The following TAOK3 variants were observed in gnomAD, a reference collection of about 807,000 sequenced individuals.
TAOK3 encodes TAO kinase 3, also known as serine/threonine-protein kinase TAO3.
A neutral mutation model predicts 120.4 loss-of-function variants in TAOK3; 40 were observed. The ratio of observed to expected loss-of-function variants is 0.33; its 90% CI spans 0.26 to 0.43. The LOEUF (loss-of-function observed/expected upper bound fraction) is 0.43, where lower values mean the gene tolerates loss of function less well. TAOK3 is among the 20% of genes least tolerant of loss of function. TAOK3 has a pLI of 1.00. For synonymous variants in TAOK3, 355 were observed against 387.5 expected (o/e 0.92, Z 0.99); for missense variants, 821 against 1,112.1 (o/e 0.74, Z 3.72).
Position 118,155,855 on chromosome 12 carries a change from G to A in TAOK3, c.2353-3446C>T, listed in dbSNP as rs374373890. On this transcript the variant is annotated intron_variant, in intron 19 of 20. Coordinates refer to ENST00000392533, the MANE Select transcript of TAOK3 (RefSeq NM_016281.4). ...GGGCTTGAGTGATCCTCCTGCTTCA[G>A]CCTCCCAAGTTACTGGGACTACAGG... 4.6e-5 allele frequency among the ~76,000 whole-genome samples: 7 copies of A among 152,110 alleles called. No homozygotes were observed. In the South Asian group the frequency reaches 8.3e-4, roughly 18 times the overall value.
At chr12:118,166,843 C>T (rs7489246) in intron 17 of TAOK3, among the ~76,000 whole-genome samples, 189 of 136,226 alleles carry the variant, frequency 1.4e-3, no homozygotes, top group African/African-American at 3.5e-3. Context: ...CACACACACA[C>T]ACATACACAC....
At chr12:118,344,138 T>C (rs1194227692) in intron 1 of TAOK3, among the ~76,000 whole-genome samples, 3 of 151,216 alleles carry the variant, frequency 2.0e-5, no homozygotes, top group Non-Finnish European at 4.4e-5. Context: ...CTGTTTCTTT[T>C]ATTGTTTAGA....
At chr12:118,364,139 AAAAC>A (rs200117128) in intron 1 of TAOK3, among the ~76,000 whole-genome samples, 32 of 152,276 alleles carry the variant, frequency 2.1e-4, no homozygotes, top group Admixed American at 1.7e-3. Flanking sequence ...TCCATCTCAA[AAAAC>A]AAACAAACAA....
chr12:118,239,161 T>C, intron 6 of TAOK3, 66 bp downstream of exon 6: 1 of 1,040,900 alleles, frequency 9.6e-7, no homozygotes, highest in Non-Finnish European at 1.5e-6. Context: ...TACACTTTAG[T>C]ATGGCGGTAG....
intron 1 of TAOK3, among the ~76,000 whole-genome samples, chr12:118,347,830 C>T (rs1204019439): frequency 6.6e-6 from 1 of 152,214 alleles, no homozygotes; most frequent in Non-Finnish European, 1.5e-5. Flanking sequence ...TGAGGCTGTC[C>T]TAGTTCCAGA....
chr12:118,258,254 T>A (rs1344844534), intron 2 of TAOK3, among the ~76,000 whole-genome samples: 2 of 152,132 alleles, frequency 1.3e-5, no homozygotes, highest in African/African-American at 4.8e-5. Flanking sequence ...AAGGTTTATA[T>A]GGGAAAAAGG....
intron 1 of TAOK3, among the ~76,000 whole-genome samples, chr12:118,360,187 C>T (rs938670147): frequency 6.6e-6 from 1 of 151,694 alleles, no homozygotes; most frequent in African/African-American, 2.4e-5. Context: ...ATCACTTGAA[C>T]CCAGGAGGCG....
At chr12:118,186,672 C>A (rs1464536905) in intron 14 of TAOK3, among the ~76,000 whole-genome samples, 1 of 152,098 alleles carries the variant, frequency 6.6e-6, no homozygotes, top group Non-Finnish European at 1.5e-5. Flanking sequence ...CCATGAAATA[C>A]CCTTCCTTTT....
At chr12:118,338,404 C>A (rs1011242943) in intron 1 of TAOK3, among the ~76,000 whole-genome samples, 4 of 152,130 alleles carry the variant, frequency 2.6e-5, no homozygotes, top group Non-Finnish European at 4.4e-5. Context: ...ATTAATACCT[C>A]CAAATGAATG....
chr12:118,341,476 G>A (rs550479853), intron 1 of TAOK3, among the ~76,000 whole-genome samples: 2 of 152,036 alleles, frequency 1.3e-5, no homozygotes, highest in African/African-American at 4.8e-5. Flanking sequence ...ATAATGCAAT[G>A]CATTTTAAAA....
chr12:118,347,522 C>T (rs2141184830), intron 1 of TAOK3, among the ~76,000 whole-genome samples: 1 of 152,306 alleles, frequency 6.6e-6, no homozygotes, highest in South Asian at 2.1e-4. Flanking sequence ...CTCCTCATTT[C>T]CAAGTCCAAC....
chr12:118,270,039 G>C (rs2041634196), intron 1 of TAOK3, among the ~76,000 whole-genome samples: 1 of 152,042 alleles, frequency 6.6e-6, no homozygotes, highest in Non-Finnish European at 1.5e-5. Flanking sequence ...ATTTCCCCAA[G>C]TCCTCTGTGT....
At chr12:118,246,340 T>A (rs960871187) in intron 3 of TAOK3, 1 of 1,606,662 alleles carries the variant, frequency 6.2e-7, no homozygotes, top group African/African-American at 1.3e-5. Context: ...CTCTTCTCCC[T>A]GCCCATTAAG....
At position 118,150,541 on chromosome 12, in the gene TAOK3, G is replaced by A. The variant is rs1205697025; in HGVS notation, c.*456C>T. The A allele has an allele frequency of 6.5e-6, 1 of 152,754 alleles. No individual in the cohort carries two copies. Among genetic ancestry groups the A allele is most frequent in the East Asian group, 1.9e-4 (1 of 5,210 alleles). The allele number at this position is 152,754 out of a possible 1,614,324, so 9.5% of individuals were successfully genotyped here. The stretch of plus-strand genomic sequence containing the variant: ...TAAAATAAAATAAAATAATGCAGCA[G>A]CTAGTTAAGGTGTAAGGCTGCGGAT... On this transcript the variant is annotated 3_prime_UTR_variant, in exon 21 of 21. Transcript: ENST00000392533.
intron 1 of TAOK3, among the ~76,000 whole-genome samples, chr12:118,326,266 C>T: frequency 6.6e-6 from 1 of 152,102 alleles, no homozygotes; most frequent in Admixed American, 6.6e-5. Flanking sequence ...AAGAGATTAT[C>T]CTTTCTCCAA....
chr12:118,285,248 G>T (rs1365225608), intron 1 of TAOK3, among the ~76,000 whole-genome samples: 1 of 151,982 alleles, frequency 6.6e-6, no homozygotes, highest in African/African-American at 2.4e-5. Context: ...TCTCCATATT[G>T]TCCAGGCTGG....
At chr12:118,288,276 T>C (rs1439555456) in intron 1 of TAOK3, among the ~76,000 whole-genome samples, 2 of 152,030 alleles carry the variant, frequency 1.3e-5, no homozygotes, top group African/African-American at 4.8e-5. Context: ...CTGAATTGTA[T>C]CTCCCTCCCT....
chr12:118,274,608 T>C (rs11068895), intron 1 of TAOK3, among the ~76,000 whole-genome samples: 4,536 of 152,134 alleles, frequency 0.03, 194 homozygotes, highest in African/African-American at 0.093. Flanking sequence ...AGAGGCCCCA[T>C]TGGATCTCTT....
intron 15 of TAOK3, 121 bp from the exon 16 acceptor site, chr12:118,177,450 A>T: frequency 3.2e-6 from 2 of 618,344 alleles, no homozygotes; most frequent in African/African-American, 1.9e-5. Flanking sequence ...TTTTGAACAA[A>T]TATTAAAAAA....
Sources: gnomAD v4.1 joint callset for allele counts (sites outside exome capture counted in the v4.1 genomes callset) on GRCh38, gnomAD v4.1.1 for gene constraint, MANE v1.5 for transcripts, NCBI Gene and HGNC (gene_info 2026-07-23, HGNC 2026-07-21) for gene names.